Variants in CCDC90B observed in about 807,000 individuals in gnomAD.
CCDC90B encodes the protein coiled-coil domain-containing protein 90B, mitochondrial.
A neutral mutation model predicts 37.0 loss-of-function variants in CCDC90B; 24 were observed. The ratio of observed to expected loss-of-function variants is 0.65; its 90% CI spans 0.47 to 0.91. CCDC90B has a LOEUF of 0.91. Among genes scored for constraint, CCDC90B ranks in the 40% least tolerant of loss-of-function variants. CCDC90B has a pLI of 0.00. For synonymous variants in CCDC90B, 113 were observed against 101.1 expected (o/e 1.12, Z -0.71); for missense variants, 319 against 299.0 (o/e 1.07, Z -0.49).
chr11:83,286,270 G>T lies in CCDC90B; in HGVS notation c.-298C>A. ...AGATCTTGTCAGAGAACCTTCCGGC[G>T]CCTGTTTCCTGGCAGTGGGGCATAG... On this transcript the variant is annotated 5_prime_UTR_variant, in exon 1 of 9. Transcript: ENST00000529689. The T allele has an allele frequency of 3.6e-6, 5 of 1,371,176 alleles. No homozygotes were observed. Among genetic ancestry groups the T allele is most frequent in the Non-Finnish European group, 4.9e-6 (5 of 1,010,806 alleles). The allele number at this position is 1,371,176 out of a possible 1,614,324, so 84.9% of individuals were successfully genotyped here. A position where few individuals can be genotyped will look rare whatever the true frequency, so the allele number is the denominator to read the frequency against.
At chr11:83,274,185 A>G (rs1555007470) in intron 4 of CCDC90B, 193 bp from the exon 5 acceptor site, 18 of 406,472 alleles carry the variant, frequency 4.4e-5, no homozygotes, top group Admixed American at 1.7e-4. Context: ...AGCAAAATGC[A>G]TTTGTTTTTA....
intron 8 of CCDC90B, among the ~76,000 whole-genome samples, chr11:83,262,887 A>T (rs1432541603): frequency 1.3e-5 from 2 of 152,154 alleles, no homozygotes; most frequent in Non-Finnish European, 2.9e-5. Flanking sequence ...GCAATTATAT[A>T]TTCTCCCATT....
chr11:83,273,116 A>G (rs1391904866), intron 7 of CCDC90B: 1 of 152,142 alleles, frequency 6.6e-6, no homozygotes, highest in African/African-American at 2.4e-5. Context: ...AACACTAAAT[A>G]TTAGTGTTTA....
intron 8 of CCDC90B, among the ~76,000 whole-genome samples, chr11:83,265,497 TG>T (rs1421780032): frequency 1.3e-5 from 2 of 152,208 alleles, no homozygotes; most frequent in East Asian, 3.8e-4. Flanking sequence ...TATATCCACA[TG>T]CTTTTTCTAT....
Position 83,286,350 on chromosome 11 carries a change from G to A in CCDC90B, c.-378C>T, listed in dbSNP as rs543415742. ...GCGGCCATTACGCGCTTGGGTCGGG[G>A]GAGATGGAGTCGCATTTAGCCGCAC... On this transcript the variant is annotated 5_prime_UTR_variant, in exon 1 of 9. Transcript: ENST00000529689. 2.9e-6 allele frequency: 2 copies of A among 685,480 alleles called. No individual in the cohort carries two copies. The highest frequency in any genetic ancestry group is 3.6e-5 in the African/African-American group (2 of 55,570). The allele number at this position is 685,480 out of a possible 1,614,324, so 42.5% of individuals were successfully genotyped here.
intron 1 of CCDC90B, among the ~76,000 whole-genome samples, chr11:83,282,439 T>G (rs1386050217): frequency 6.6e-6 from 1 of 152,184 alleles, no homozygotes; most frequent in Non-Finnish European, 1.5e-5. Flanking sequence ...ATTAGTACAG[T>G]TCCTCTGACT....
intron 8 of CCDC90B, among the ~76,000 whole-genome samples, chr11:83,263,847 A>G (rs1274905556): frequency 2.6e-5 from 4 of 152,160 alleles, no homozygotes; most frequent in Non-Finnish European, 5.9e-5. Context: ...GCTTGTAGGT[A>G]GGCTATTTTA....
intron 8 of CCDC90B, 87 bp from the exon 9 acceptor site, chr11:83,262,053 A>G: frequency 1.1e-6 from 1 of 875,978 alleles, no homozygotes; most frequent in Non-Finnish European, 1.7e-6. Flanking sequence ...TTAAGTGAAG[A>G]GCAAAAAACA....
chr11:83,264,208 G>A (rs1864106798), intron 8 of CCDC90B, among the ~76,000 whole-genome samples: 1 of 152,034 alleles, frequency 6.6e-6, no homozygotes, highest in Admixed American at 6.5e-5. Flanking sequence ...ATAAAGGACT[G>A]GATACATAAA....
intron 7 of CCDC90B, among the ~76,000 whole-genome samples, chr11:83,271,648 C>A (rs532455733): frequency 6.6e-6 from 1 of 152,194 alleles, no homozygotes; most frequent in East Asian, 1.9e-4. Flanking sequence ...GAAATAGGAA[C>A]GCTTTTACAC....
intron 8 of CCDC90B, 44 bp downstream of exon 8, chr11:83,265,821 C>T (rs760514215): frequency 9.5e-6 from 12 of 1,263,280 alleles, no homozygotes; most frequent in Admixed American, 1.8e-5. Flanking sequence ...GTAGAACTAA[C>T]AGGAAAATTA....
At chr11:83,275,871 T>C (rs1257791526) in intron 3 of CCDC90B, among the ~76,000 whole-genome samples, 10 of 152,162 alleles carry the variant, frequency 6.6e-5, no homozygotes, top group Non-Finnish European at 1.3e-4. Context: ...CTTAAAGAGT[T>C]GTTTTGAGGA....
At chr11:83,266,221 A>C (rs1183125295) in intron 7 of CCDC90B, among the ~76,000 whole-genome samples, 1 of 152,150 alleles carries the variant, frequency 6.6e-6, no homozygotes, top group Admixed American at 6.5e-5. Context: ...TGCATTTCCA[A>C]CTGAGGTACC....
intron 7 of CCDC90B, among the ~76,000 whole-genome samples, chr11:83,269,418 T>A (rs912659841): frequency 6.6e-6 from 1 of 151,418 alleles, no homozygotes; most frequent in Non-Finnish European, 1.5e-5. Context: ...CTAGCCAGAC[T>A]AATAAAGAAG....
At chr11:83,285,142 CAAG>C (rs780860248) in intron 1 of CCDC90B, 1 of 1,265,358 alleles carries the variant, frequency 7.9e-7, no homozygotes, top group Non-Finnish European at 1.0e-6. Context: ...ACTGAAGATT[CAAG>C]AAGGTGAACA....
At position 83,286,059 on chromosome 11, in the gene CCDC90B, G is replaced by A. The variant is rs1301665347; in HGVS notation, c.-87C>T. The A allele has an allele frequency of 1.3e-6, 2 of 1,543,084 alleles. No homozygotes were observed. The highest frequency in any genetic ancestry group is 1.7e-6 in the Non-Finnish European group (2 of 1,147,430). On this transcript the variant is annotated 5_prime_UTR_variant, in exon 1 of 9. Transcript: ENST00000529689. ...GGGCAAGGTAGTTCTGGCACCACAG[G>A]AATGCTGGGAATTGTAGTTTTCGCT...
chr11:83,273,823 G>C lies in CCDC90B; in HGVS notation c.510C>G (p.Ile170Met), dbSNP rs1247071022. 6.2e-7 allele frequency: 1 copy of C among 1,610,080 alleles called. No individual in the cohort carries two copies. Among genetic ancestry groups the C allele is most frequent in the African/African-American group, 1.3e-5 (1 of 74,956 alleles). ...CTGTTACTCTGCTCCTTTCTAAGTT[G>C]ATATCCAGTTTATTATCTGCTCTGA... is the stretch of plus-strand genomic sequence containing the variant. ...SRIRADNKLD[I>M]NLERSRVTDM... is the part of the protein sequence containing the mutation. The change falls in exon 6 of 9, where the codon ATC (isoleucine) becomes ATG (methionine). Residue 170 changes from isoleucine (I) to methionine (M), a missense_variant. Coordinates refer to ENST00000529689, the MANE Select transcript of CCDC90B (RefSeq NM_021825.5).
In CCDC90B at chr11:83,261,130, C is replaced by G. The variant is rs1001201333; in HGVS notation, c.*781G>C. 6.6e-6 allele frequency: 1 copy of G among 152,140 alleles called. No individual in the cohort carries two copies. The highest frequency in any genetic ancestry group is 2.1e-4 in the South Asian group (1 of 4,816). 9.4% of individuals were successfully genotyped at this position (152,140 alleles called of 1,614,324 possible). On this transcript the variant is annotated 3_prime_UTR_variant, in exon 9 of 9. Coordinates refer to ENST00000529689, the MANE Select transcript of CCDC90B (RefSeq NM_021825.5). ...AGGTAATGGAGTCTTGCTCTGTCAC[C>G]CAGGCTGGAGTGCAGTGGTGCTATC...
intron 7 of CCDC90B, chr11:83,266,936 C>G (rs959907950): frequency 2.0e-5 from 3 of 152,474 alleles, no homozygotes; most frequent in African/African-American, 7.2e-5. Context: ...ATTTGCTGTT[C>G]TGCAGCCTCT....
Sources: gnomAD v4.1 joint callset for allele counts (sites outside exome capture counted in the v4.1 genomes callset) on GRCh38, gnomAD v4.1.1 for gene constraint, MANE v1.5 for transcripts, NCBI Gene and HGNC (gene_info 2026-07-23, HGNC 2026-07-21) for gene names.